The following TMEM117 variants were observed in gnomAD, a reference collection of about 807,000 sequenced individuals.
The protein encoded by TMEM117 is transmembrane protein 117.
TMEM117 carries 27 observed loss-of-function variants against 52.4 expected under a neutral mutation model. The observed-to-expected ratio is 0.51, with a 90% confidence interval of 0.38 to 0.71. TMEM117 has a LOEUF of 0.71. TMEM117 is among the 30% of genes least tolerant of loss of function. TMEM117 has a pLI of 0.00. For missense variants in TMEM117, 556 were observed against 630.5 expected (o/e 0.88, Z 1.26); for synonymous variants, 215 against 206.3 (o/e 1.04, Z -0.36).
intron 3 of TMEM117, among the ~76,000 whole-genome samples, chr12:44,132,599 A>G (rs1220179372): frequency 2.0e-5 from 3 of 152,146 alleles, no homozygotes; most frequent in African/African-American, 4.8e-5. Flanking sequence ...GAAAAAGTCA[A>G]TACAACAAAG....
chr12:44,147,794 T>C (rs1765470471), intron 4 of TMEM117, among the ~76,000 whole-genome samples: 1 of 151,938 alleles, frequency 6.6e-6, no homozygotes, highest in South Asian at 2.1e-4. Context: ...TAGCTGGATA[T>C]AGTGGCACAT....
At chr12:44,123,476 A>G (rs921540144) in intron 3 of TMEM117, among the ~76,000 whole-genome samples, 3 of 152,170 alleles carry the variant, frequency 2.0e-5, no homozygotes, top group Non-Finnish European at 4.4e-5. Context: ...ATCTTTGCCC[A>G]TGCCTATGTC....
At chr12:43,969,002 A>G (rs7350559) in intron 3 of TMEM117, among the ~76,000 whole-genome samples, 9,424 of 152,216 alleles carry the variant, frequency 0.062, 340 homozygotes, top group South Asian at 0.082. Context: ...TAAGATTTAT[A>G]TTGTAAGCGG....
intron 3 of TMEM117, among the ~76,000 whole-genome samples, chr12:44,081,338 A>G (rs533725174): frequency 1.3e-5 from 2 of 152,302 alleles, no homozygotes; most frequent in African/African-American, 2.4e-5. Flanking sequence ...TGGAATCACA[A>G]ACTATATTTG....
At chr12:44,124,743 G>A (rs1948293785) in intron 3 of TMEM117, among the ~76,000 whole-genome samples, 1 of 152,182 alleles carries the variant, frequency 6.6e-6, no homozygotes, top group South Asian at 2.1e-4. Context: ...TTGCATCCCA[G>A]GGATGAAGCC....
At chr12:44,282,207 T>A (rs1009119862) in intron 5 of TMEM117, among the ~76,000 whole-genome samples, 1 of 152,126 alleles carries the variant, frequency 6.6e-6, no homozygotes, top group African/African-American at 2.4e-5. Context: ...ATTAAACATC[T>A]TTTTCTTCCC....
At chr12:44,245,628 C>G (rs1274948116) in intron 5 of TMEM117, among the ~76,000 whole-genome samples, 1 of 150,616 alleles carries the variant, frequency 6.6e-6, no homozygotes, top group Non-Finnish European at 1.5e-5. Context: ...TATATAAGAT[C>G]AAGTCATCAA....
intron 2 of TMEM117, among the ~76,000 whole-genome samples, chr12:43,907,175 T>G (rs552940609): frequency 6.6e-6 from 1 of 152,322 alleles, no homozygotes; most frequent in Admixed American, 6.5e-5. Context: ...CCCCCTCAAG[T>G]GGGTCCCTGA....
At chr12:43,849,077 G>T (rs1943261376) in intron 2 of TMEM117, among the ~76,000 whole-genome samples, 1 of 152,224 alleles carries the variant, frequency 6.6e-6, no homozygotes, top group African/African-American at 2.4e-5. Flanking sequence ...TGGAGAGATG[G>T]CTCATTGACA....
At chr12:44,268,834 A>G (rs530436938) in intron 5 of TMEM117, among the ~76,000 whole-genome samples, 26 of 152,212 alleles carry the variant, frequency 1.7e-4, no homozygotes, top group African/African-American at 5.3e-4. Context: ...TCAGGTCAAG[A>G]AATAGACAAG....
intron 5 of TMEM117, among the ~76,000 whole-genome samples, chr12:44,215,728 T>TAA (rs112129736): frequency 6.0e-5 from 9 of 149,336 alleles, no homozygotes; most frequent in African/African-American, 2.0e-4. Flanking sequence ...TTAGCTTTTT[T>TAA]TAAAAAAAAA....
intron 2 of TMEM117, among the ~76,000 whole-genome samples, chr12:43,893,625 G>T (rs769786836): frequency 6.6e-5 from 10 of 151,998 alleles, no homozygotes; most frequent in Admixed American, 2.0e-4. Flanking sequence ...ATCTCCTTTA[G>T]CCATTTTTTC....
chr12:43,800,501 T>C, the TMEM117 span: 9 of 1,613,890 alleles, frequency 5.6e-6, no homozygotes, highest in Non-Finnish European at 7.6e-6. Flanking sequence ...GAGTTGCTCT[T>C]GTTGCTGCAT....
At chr12:44,135,353 AG>A (rs1429635376) in intron 3 of TMEM117, among the ~76,000 whole-genome samples, 7 of 152,184 alleles carry the variant, frequency 4.6e-5, no homozygotes, top group Non-Finnish European at 8.8e-5. Context: ...TGAGTTTACA[AG>A]TATCAGGGTC....
chr12:43,907,603 A>T (rs1052770516), intron 2 of TMEM117, among the ~76,000 whole-genome samples: 1 of 147,600 alleles, frequency 6.8e-6, no homozygotes, highest in East Asian at 2.0e-4. Flanking sequence ...TTTGAAAAAA[A>T]TTTAGAAGAA....
At chr12:44,167,209 G>A (rs1948979491) in intron 4 of TMEM117, among the ~76,000 whole-genome samples, 1 of 152,120 alleles carries the variant, frequency 6.6e-6, no homozygotes, top group South Asian at 2.1e-4. Flanking sequence ...TGGTTTTGCT[G>A]TCAAATCCTT....
chr12:43,840,444 G>C (rs550411362), intron 1 of TMEM117, among the ~76,000 whole-genome samples: 1 of 152,302 alleles, frequency 6.6e-6, no homozygotes, highest in Admixed American at 6.5e-5. Flanking sequence ...GAGTTGAGGG[G>C]GGGTGCATTA....
intron 5 of TMEM117, among the ~76,000 whole-genome samples, chr12:44,229,272 G>A (rs1949903711): frequency 6.6e-6 from 1 of 152,082 alleles, no homozygotes; most frequent in Admixed American, 6.6e-5. Context: ...AGAATGAAAT[G>A]GGGAGAAATG....
At chr12:44,107,165 A>C (rs1320414121) in intron 3 of TMEM117, among the ~76,000 whole-genome samples, 2 of 152,106 alleles carry the variant, frequency 1.3e-5, no homozygotes, top group Non-Finnish European at 2.9e-5. Context: ...TTATATATAA[A>C]CTATCATCAA....
Sources: gnomAD v4.1 joint callset for allele counts (sites outside exome capture counted in the v4.1 genomes callset) on GRCh38, gnomAD v4.1.1 for gene constraint, MANE v1.5 for transcripts, NCBI Gene and HGNC (gene_info 2026-07-23, HGNC 2026-07-21) for gene names.